The following FAN1 variants were observed in gnomAD, a reference collection of about 807,000 sequenced individuals.
The protein encoded by FAN1 is fanconi-associated nuclease 1.
In FAN1, 91 loss-of-function variants were observed where a neutral mutation model predicts 104.9. The ratio of observed to expected loss-of-function variants is 0.87; its 90% confidence interval spans 0.73 to 1.03. The LOEUF is 1.03. Ranked by LOEUF, FAN1 falls within the 50% of genes least tolerant of loss-of-function variation. The pLI, the probability that FAN1 is intolerant of heterozygous loss-of-function variation, is 0.00. For missense variants in FAN1, 1,263 were observed against 1,239.9 expected, an observed-to-expected ratio of 1.02 and a Z score of -0.28; for synonymous variants, 478 against 457.6, an observed-to-expected ratio of 1.04 and a Z score of -0.57.
At chr15:30,915,603 T>C (rs972272878) in intron 5 of FAN1, among the ~76,000 whole-genome samples, 9 of 152,168 alleles carry the variant, frequency 5.9e-5, no homozygotes, top group African/African-American at 2.2e-4. Flanking sequence ...ACCCCATCTC[T>C]AAAACATTTT....
At chr15:30,923,352 T>G (rs2062381148) in intron 8 of FAN1, among the ~76,000 whole-genome samples, 1 of 152,170 alleles carries the variant, frequency 6.6e-6, no homozygotes, top group Non-Finnish European at 1.5e-5. Flanking sequence ...AAAGCTTGTG[T>G]TTCTGTCGCC....
chr15:30,922,164 G>A, intron 7 of FAN1, 71 bp from the exon 8 acceptor site: 2 of 1,554,738 alleles, frequency 1.3e-6, no homozygotes. Flanking sequence ...CCAATCCTAT[G>A]GGCTTGTAAA....
intron 7 of FAN1, 109 bp downstream of exon 7, chr15:30,920,762 A>G (rs1235466373): frequency 1.6e-6 from 1 of 643,706 alleles, no homozygotes; most frequent in African/African-American, 1.9e-5. Flanking sequence ...GTTAGCACAC[A>G]GTAATATAAT....
Position 30,929,682 on chromosome 15 carries a change from TA to T in FAN1, c.2787+287del, listed in dbSNP as rs1340632466. ...TATATGAAATATATAATATATCATA[TA>T]ATATATATAAAATATATATTATATC... On this transcript the variant is annotated intron_variant, in intron 12 of 14. Transcript: ENST00000362065. 8.3e-4 allele frequency among the ~76,000 whole-genome samples: 96 copies of T among 115,478 alleles called. 1 individual carries two copies. Among genetic ancestry groups the T allele is most frequent in the Non-Finnish European group, 1.3e-3 (79 of 61,078 alleles). 75.8% of individuals were successfully genotyped at this position (115,478 alleles called of 152,430 possible).
chr15:30,929,074 T>C, intron 11 of FAN1, 129 bp from the exon 12 acceptor site: 1 of 851,562 alleles, frequency 1.2e-6, no homozygotes, highest in Non-Finnish European at 1.8e-6. Flanking sequence ...CAATTAACTT[T>C]TACTTATCTT....
At chr15:30,939,561 A>T (rs374168005) in intron 14 of FAN1, 5 of 963,486 alleles carry the variant, frequency 5.2e-6, no homozygotes, top group Non-Finnish European at 6.2e-6. Context: ...TTTGATTATC[A>T]TACAAAAATA....
At chr15:30,938,796 A>T (rs2062941661) in intron 14 of FAN1, 1 of 527,476 alleles carries the variant, frequency 1.9e-6, no homozygotes, top group African/African-American at 2.1e-5. Flanking sequence ...AATTGCTGTT[A>T]AAAAAAGTTA....
intron 12 of FAN1, among the ~76,000 whole-genome samples, chr15:30,929,729 ATATAATATAT>A (rs1474089581): frequency 2.3e-5 from 1 of 43,200 alleles, no homozygotes; most frequent in Non-Finnish European, 3.9e-5. Flanking sequence ...TATATAAAAT[ATATAATATAT>A]TATATCATAT....
intron 13 of FAN1, 86 bp from the exon 14 acceptor site, chr15:30,937,033 T>C: frequency 9.5e-7 from 1 of 1,050,518 alleles, no homozygotes; most frequent in East Asian, 2.4e-5. Flanking sequence ...GCCATTTAAA[T>C]AGTTGTCAGT....
Position 30,905,843 on chromosome 15 carries a change from T to G in FAN1, c.1180T>G (p.Leu394Val). ...CGTACTTGAGAATGAAGATGATATG[T>G]TGCTCTTTGATGAGCAGGAGAAGGG... ...KTVLENEDDM[L>V]LFDEQEKGIV... is the part of the protein sequence containing the mutation. Residue 394 changes from leucine to valine, a missense_variant, in exon 2 of 15, where the codon TTG becomes GTG. Around this residue, in one of 2 missense-constraint regions of FAN1, gnomAD observed 682 missense variants for 571.1 expected, o/e 1.19. Transcript: ENST00000362065. 6.2e-7 allele frequency: 1 copy of G among 1,614,000 alleles called. No individual in the cohort carries two copies. Among genetic ancestry groups the G allele is most frequent in the Non-Finnish European group, 8.5e-7 (1 of 1,179,822 alleles).
intron 9 of FAN1, 116 bp downstream of exon 9, chr15:30,925,407 C>T: frequency 9.7e-7 from 1 of 1,033,434 alleles, no homozygotes; most frequent in Non-Finnish European, 1.4e-6. Flanking sequence ...TCGGAATAAT[C>T]TAAAACTCGT....
At chr15:30,911,368 A>G (rs1483764164) in intron 4 of FAN1, 1 of 985,126 alleles carries the variant, frequency 1.0e-6, no homozygotes, top group Middle Eastern at 5.2e-4. Context: ...CTGGGAATTC[A>G]CTACTGTGGA....
chr15:30,913,757 T>C (rs1030424297), intron 4 of FAN1, 101 bp from the exon 5 acceptor site: 1 of 791,016 alleles, frequency 1.3e-6, no homozygotes, highest in African/African-American at 1.7e-5. Context: ...TTTAAAATAG[T>C]GAATGTCATT....
chr15:30,939,978 A>C (rs2062983592), intron 14 of FAN1: 2 of 981,072 alleles, frequency 2.0e-6, no homozygotes, highest in Non-Finnish European at 2.4e-6. Context: ...AGACATTATC[A>C]AATTTTAAAA....
rs745563492 is a variant in FAN1 at position 30,941,944 on chromosome 15, G to A, written c.*382G>A. On this transcript the variant is annotated 3_prime_UTR_variant, in exon 15 of 15. Transcript: ENST00000362065. ...GCTCCGTATCACTGTTCTGGCTGTC[G>A]GTTTGCTGAGCTGGATCTGGCTTTG... 170 of 1,613,858 alleles carry A rather than the reference G, an allele frequency of 1.1e-4. No homozygotes were observed. The highest frequency in any genetic ancestry group is 6.6e-4 in the Middle Eastern group (4 of 6,084).
intron 11 of FAN1, 43 bp from the exon 12 acceptor site, chr15:30,929,160 C>T (rs1181253449): frequency 1.3e-6 from 2 of 1,576,794 alleles, no homozygotes; most frequent in Admixed American, 3.6e-5. Context: ...GAACACGGCT[C>T]TCTGCAGGCA....
intron 4 of FAN1, among the ~76,000 whole-genome samples, chr15:30,912,371 A>G (rs895204405): frequency 5.3e-5 from 8 of 152,202 alleles, no homozygotes; most frequent in African/African-American, 9.7e-5. Flanking sequence ...AGAAAAAGGC[A>G]CATTATTTAT....
At position 30,932,355 on chromosome 15, in the gene FAN1, T is replaced by C. The variant is rs562349454; in HGVS notation, c.2916+1684T>C. ...AAAAATGGGAGTTGATTTTGTAAAA[T>C]ATTAAGAATTTTTGCATATATGTTC... On this transcript the variant is annotated intron_variant, in intron 13 of 14. Transcript: ENST00000362065. 3.9e-5 allele frequency among the ~76,000 whole-genome samples: 6 copies of C among 152,066 alleles called. No individual in the cohort carries two copies. The South Asian group carries it at 1.2e-3, about 32-fold the overall frequency.
chr15:30,940,836 A>C, intron 14 of FAN1: 3 of 989,050 alleles, frequency 3.0e-6, no homozygotes, highest in Non-Finnish European at 3.6e-6. Context: ...TCTAAGTTTA[A>C]TTATCTGCAG....
Sources: allele counts gnomAD v4.1 joint callset (sites outside exome capture counted in the v4.1 genomes callset), GRCh38; gene constraint gnomAD v4.1.1; regional missense constraint gnomAD v4.1.1; transcripts MANE v1.5; gene names NCBI Gene and HGNC (gene_info 2026-07-23, HGNC 2026-07-21).